IQSEC1: variants seen among roughly 807,000 people sequenced by gnomAD.
The protein encoded by IQSEC1 is IQ motif and SEC7 domain-containing protein 1.
In IQSEC1, 31 loss-of-function variants were observed where a neutral mutation model predicts 91.0. That is an observed-to-expected ratio of 0.34 (90% confidence interval 0.26 to 0.46). The LOEUF is 0.46. Ranked by LOEUF, IQSEC1 falls within the 20% of genes least tolerant of loss-of-function variation. The pLI, the probability that IQSEC1 is intolerant of heterozygous loss-of-function variation, is 1.00. For missense variants in IQSEC1, 1,388 were observed against 1,575.6 expected (o/e 0.88, Z 2.02); for synonymous variants, 699 against 662.6 (o/e 1.05, Z -0.84).
intron 1 of IQSEC1, among the ~76,000 whole-genome samples, chr3:13,177,122 A>C (rs1047248524): frequency 6.6e-6 from 1 of 152,210 alleles, no homozygotes; most frequent in African/African-American, 2.4e-5. Flanking sequence ...GAATTAGACA[A>C]TGGCGAGGGG....
chr3:12,988,152 G>T (rs574449498), intron 1 of IQSEC1, among the ~76,000 whole-genome samples: 1 of 152,360 alleles, frequency 6.6e-6, no homozygotes, highest in South Asian at 2.1e-4. Flanking sequence ...GGTGGCTCAC[G>T]CCTGTAATCC....
Position 13,211,454 on chromosome 3 carries a change from TACAA to T in IQSEC1, c.273-47325_273-47322del, listed in dbSNP as rs1299980743. Reference sequence around the variant, plus strand: ...CTCTGCCCCCTGCCCCAGGTCACCTTACAAACAAAGACCCCAACTCAGGGTCTCG... The same window carrying T: ...CTCTGCCCCCTGCCCCAGGTCACCTTACAAAGACCCCAACTCAGGGTCTCG... On this transcript the variant is annotated intron_variant, in intron 1 of 15. Transcript: ENST00000648114. The surrounding 1 kb of genome is among the most constrained non-coding windows in gnomAD (Gnocchi z 5.3). 3.9e-5 allele frequency among the ~76,000 whole-genome samples: 6 copies of T among 151,904 alleles called. No homozygotes were observed. The highest frequency in any genetic ancestry group is 2.9e-5 in the Non-Finnish European group (2 of 67,912).
intron 1 of IQSEC1, among the ~76,000 whole-genome samples, chr3:13,177,836 C>A (rs1693767885): frequency 6.6e-6 from 1 of 152,228 alleles, no homozygotes; most frequent in Admixed American, 6.5e-5. Flanking sequence ...ACCTCTCAGC[C>A]TGGGAAGGCA....
chr3:13,065,375 TA>T (rs1166444520), intron 1 of IQSEC1, among the ~76,000 whole-genome samples: 1 of 152,212 alleles, frequency 6.6e-6, no homozygotes, highest in Non-Finnish European at 1.5e-5. Context: ...GGGAACCAAA[TA>T]GACAATATGT....
Position 12,899,220 on chromosome 3 carries a change from A to T in IQSEC1, c.*1763T>A, listed in dbSNP as rs1243599628. ...CCTGGCCAGCCAGCCAGCCAAGGTG[A>T]CACACAGCCAGAGGGGGCTCCCCTC... On this transcript the variant is annotated 3_prime_UTR_variant, in exon 14 of 14. Transcript: ENST00000613206. 4.3e-6 allele frequency: 3 copies of T among 689,906 alleles called. No homozygotes were observed. The highest frequency in any genetic ancestry group is 7.3e-6 in the Non-Finnish European group (3 of 410,300). The allele number at this position is 689,906 out of a possible 1,614,324, so 42.7% of individuals were successfully genotyped here.
rs537642132 is a variant in IQSEC1, at chr3:13,090,087, G to A, written c.303-42565C>T. The stretch of plus-strand genomic sequence containing the variant: ...AAAAATATTAGCGGGGTGTGGTGGC[G>A]TGCACCTGTAGTCCCAGCTACTCGG... On this transcript the variant is annotated intron_variant, in intron 2 of 15. Coordinates refer to the IQSEC1 transcript ENST00000648114. 4.6e-4 allele frequency among the ~76,000 whole-genome samples: 70 copies of A among 152,116 alleles called. 1 individual carries two copies. The South Asian group carries it at 6.7e-3, about 14-fold the overall frequency.
intron 1 of IQSEC1, among the ~76,000 whole-genome samples, chr3:13,222,197 A>G (rs956970183): frequency 7.9e-6 from 1 of 126,646 alleles, no homozygotes; most frequent in Admixed American, 9.2e-5. Flanking sequence ...CGTGAATGTG[A>G]CTACTCCAGG....
At chr3:12,959,663 G>A (rs1374486266) in intron 1 of IQSEC1, among the ~76,000 whole-genome samples, 1 of 152,224 alleles carries the variant, frequency 6.6e-6, no homozygotes, top group Non-Finnish European at 1.5e-5. Context: ...ACCCGCCCCA[G>A]TGACATGACT....
chr3:13,183,319 C>T (rs1237757600), intron 1 of IQSEC1, among the ~76,000 whole-genome samples: 1 of 152,074 alleles, frequency 6.6e-6, no homozygotes, highest in Admixed American at 6.5e-5. Flanking sequence ...ATGAGTTTCT[C>T]ATGCTGGTAA....
intron 1 of IQSEC1, among the ~76,000 whole-genome samples, chr3:13,019,184 C>T (rs1208105514): frequency 2.6e-5 from 4 of 152,246 alleles, no homozygotes; most frequent in African/African-American, 9.6e-5. Context: ...TGCCCAGCTC[C>T]CAAGCTGTTC....
At chr3:13,028,453 A>T (rs1703714529) in intron 1 of IQSEC1, among the ~76,000 whole-genome samples, 1 of 152,126 alleles carries the variant, frequency 6.6e-6, no homozygotes, top group African/African-American at 2.4e-5. Context: ...TAGAAACAGG[A>T]TCCTGAGCAG....
intron 12 of IQSEC1, among the ~76,000 whole-genome samples, chr3:12,906,677 C>G (rs548984489): frequency 6.6e-6 from 1 of 152,246 alleles, no homozygotes; most frequent in Non-Finnish European, 1.5e-5. Context: ...ACCCCTCACA[C>G]GAACCTGGGG....
chr3:13,129,686 C>A (rs937106934), intron 2 of IQSEC1, among the ~76,000 whole-genome samples: 2 of 114,072 alleles, frequency 1.8e-5, no homozygotes, highest in Non-Finnish European at 3.4e-5. Flanking sequence ...GAGACAGAGT[C>A]TTGTTCTGTT....
intron 1 of IQSEC1, among the ~76,000 whole-genome samples, chr3:13,178,695 C>G (rs1385202029): frequency 6.6e-6 from 1 of 152,218 alleles, no homozygotes; most frequent in Non-Finnish European, 1.5e-5. Context: ...AACATGAGCA[C>G]TAACCTACTC....
intron 6 of IQSEC1, among the ~76,000 whole-genome samples, chr3:12,917,674 GAC>G (rs1696232378): frequency 6.6e-6 from 1 of 152,160 alleles, no homozygotes. Context: ...GCCACATTTT[GAC>G]AGTTTTGAAT....
intron 1 of IQSEC1, among the ~76,000 whole-genome samples, chr3:12,996,086 A>T (rs1702217427): frequency 1.3e-5 from 2 of 152,144 alleles, no homozygotes; most frequent in African/African-American, 2.4e-5. Context: ...GCTTAAGCCC[A>T]GGAGTTCAAG....
intron 1 of IQSEC1, among the ~76,000 whole-genome samples, chr3:13,263,534 C>T (rs560438232): frequency 7.1e-4 from 108 of 151,812 alleles, no homozygotes; most frequent in African/African-American, 2.2e-3. Context: ...CCTCCACCTC[C>T]TGGGTTCAAG....
chr3:13,182,976 AAC>A (rs1693870656), intron 1 of IQSEC1, among the ~76,000 whole-genome samples: 1 of 152,168 alleles, frequency 6.6e-6, no homozygotes, highest in South Asian at 2.1e-4. Context: ...CATCCTGGCT[AAC>A]ACAGTGAAAC....
At chr3:12,926,538 A>C (rs1697153372) in intron 3 of IQSEC1, among the ~76,000 whole-genome samples, 1 of 152,236 alleles carries the variant, frequency 6.6e-6, no homozygotes, top group African/African-American at 2.4e-5. Context: ...TGCTTCCTCA[A>C]GAGTCCATGA....
Sources: gnomAD v4.1 joint callset for allele counts (sites outside exome capture counted in the v4.1 genomes callset) on GRCh38, gnomAD v4.1.1 for gene constraint, Gnocchi (gnomAD v3.1) non-coding constraint, MANE v1.5 for transcripts, NCBI Gene and HGNC (gene_info 2026-07-23, HGNC 2026-07-21) for gene names.